EFNB2: variants seen among roughly 807,000 people sequenced by gnomAD.
EFNB2 encodes the protein ephrin-B2.
In EFNB2, 5 loss-of-function variants were observed where a neutral mutation model predicts 32.1. That is an observed-to-expected ratio of 0.16 (90% CI 0.08 to 0.33). EFNB2 has a LOEUF of 0.33. EFNB2 is among the 10% of genes least tolerant of loss of function. EFNB2 has a pLI of 1.00. For synonymous variants in EFNB2, 168 were observed against 166.5 expected, an observed-to-expected ratio of 1.01 and a Z score of -0.07; for missense variants, 263 against 422.6, an observed-to-expected ratio of 0.62 and a Z score of 3.31.
At chr13:106,496,080 A>C (rs1878579733) in intron 2 of EFNB2, among the ~76,000 whole-genome samples, 1 of 152,226 alleles carries the variant, frequency 6.6e-6, no homozygotes, top group Non-Finnish European at 1.5e-5. Flanking sequence ...AAATTTATTT[A>C]GGCACTTTCT....
At chr13:106,503,122 A>T (rs1340043004) in intron 2 of EFNB2, among the ~76,000 whole-genome samples, 1 of 152,178 alleles carries the variant, frequency 6.6e-6, no homozygotes, top group Non-Finnish European at 1.5e-5. Context: ...ATTGTTTGGA[A>T]CAGCTTGGTG....
At chr13:106,513,475 A>C (rs1879211780) in intron 1 of EFNB2, among the ~76,000 whole-genome samples, 1 of 152,210 alleles carries the variant, frequency 6.6e-6, no homozygotes. Context: ...TCTACTTGCA[A>C]GGACAACTAC....
intron 1 of EFNB2, chr13:106,517,728 G>A (rs1879359608): frequency 6.6e-6 from 1 of 152,184 alleles, no homozygotes; most frequent in Non-Finnish European, 1.5e-5. Flanking sequence ...CAAGACAATA[G>A]ATGCCCTGCC....
At chr13:106,522,951 T>C (rs1879574681) in intron 1 of EFNB2, among the ~76,000 whole-genome samples, 1 of 152,196 alleles carries the variant, frequency 6.6e-6, no homozygotes, top group Non-Finnish European at 1.5e-5. Flanking sequence ...GATAAAACTC[T>C]CCAAGTTCTC....
In EFNB2 at chr13:106,491,780, C is replaced by G. The variant is rs994786073; in HGVS notation, c.*1260G>C. 1 of 152,592 alleles carries G rather than the reference C, an allele frequency of 6.6e-6. No individual in the cohort carries two copies. Among genetic ancestry groups the G allele is most frequent in the African/African-American group, 2.4e-5 (1 of 41,414 alleles). 9.5% of individuals were successfully genotyped at this position (152,592 alleles called of 1,614,324 possible). On this transcript the variant is annotated 3_prime_UTR_variant, in exon 5 of 5. Transcript: ENST00000646441. ...GACCTACCTTTTATAGATAAGGATT[C>G]TTTAATAACAACGATGATGATGGAA... is the stretch of plus-strand genomic sequence containing the variant.
intron 1 of EFNB2, among the ~76,000 whole-genome samples, chr13:106,533,056 G>A (rs1021613871): frequency 1.3e-5 from 2 of 151,184 alleles, no homozygotes; most frequent in Admixed American, 6.6e-5. Flanking sequence ...GAGGCTAACG[G>A]AATTGCTTTC....
chr13:106,532,075 AAACC>A (rs1407649951), intron 1 of EFNB2, among the ~76,000 whole-genome samples: 1,501 of 40,158 alleles, frequency 0.037, 25 homozygotes, highest in African/African-American at 0.061. Flanking sequence ...AACAAAAAAA[AAACC>A]AAAACTTTAA....
chr13:106,492,926 C>G lies in EFNB2; in HGVS notation c.*114G>C. 7.2e-7 allele frequency: 1 copy of G among 1,382,508 alleles called. No homozygotes were observed. Among genetic ancestry groups the G allele is most frequent in the Non-Finnish European group, 9.8e-7 (1 of 1,023,968 alleles). 85.6% of individuals were successfully genotyped at this position (1,382,508 alleles called of 1,614,324 possible). On this transcript the variant is annotated 3_prime_UTR_variant, in exon 5 of 5. Transcript: ENST00000646441. The surrounding 1 kb of genome is among the most constrained non-coding windows in gnomAD (Gnocchi z 5.1). ...CTCTTCCGAGGAGGAGTGTCCCTCT[C>G]CCCCGGTGCTGTGCTTCAGTCAATT... is the stretch of plus-strand genomic sequence containing the variant.
rs1387180956 is a variant in EFNB2 at position 106,493,231 on chromosome 13, T to C, written c.811A>G (p.Thr271Ala). The C allele has an allele frequency of 6.2e-7, 1 of 1,614,208 alleles. No homozygotes were observed. Among genetic ancestry groups the C allele is most frequent in the Admixed American group, 1.7e-5 (1 of 60,022 alleles). ...CCGCTGCGCTTGGGTGTGGCCAGTG[T>C]GCTGAGCGACAGCGTGGTCGTGTGC... ...PQHTTTLSLS[T>A]LATPKRSGNN... The change falls in exon 5 of 5, where the codon ACA becomes GCA. Residue 271 changes from threonine (T) to alanine (A), a missense_variant. By Grantham distance (58) the Thr-to-Ala change is moderately conservative (BLOSUM62 0). Around this residue, in one of 3 missense-constraint regions of EFNB2, gnomAD observed 172 missense variants for 237.1 expected, o/e 0.73. Coordinates refer to ENST00000646441, the MANE Select transcript of EFNB2 (RefSeq NM_004093.4). This position sits in a 1 kb window ranked among gnomAD's most constrained non-coding sequence, Gnocchi z 6.1.
chr13:106,513,443 T>A (rs1268630125), intron 1 of EFNB2, among the ~76,000 whole-genome samples: 1 of 152,224 alleles, frequency 6.6e-6, no homozygotes, highest in East Asian at 1.9e-4. Context: ...TGGTATTGAT[T>A]CAGCTGCAAA....
At chr13:106,506,136 A>C (rs1282779841) in intron 2 of EFNB2, 1 of 152,216 alleles carries the variant, frequency 6.6e-6, no homozygotes, top group Non-Finnish European at 1.5e-5. Context: ...CACCCAGAAA[A>C]GGAGTTCACA....
intron 1 of EFNB2, among the ~76,000 whole-genome samples, chr13:106,523,800 C>T (rs1417263506): frequency 6.6e-6 from 1 of 152,182 alleles, no homozygotes; most frequent in Admixed American, 6.5e-5. Flanking sequence ...GTCTTCTCAG[C>T]TCTGACAAGC....
At chr13:106,532,070 A>C (rs554355464) in intron 1 of EFNB2, among the ~76,000 whole-genome samples, 3 of 131,524 alleles carry the variant, frequency 2.3e-5, no homozygotes, top group African/African-American at 8.4e-5. Context: ...AAAAAAACAA[A>C]AAAAAAACCA....
intron 1 of EFNB2, among the ~76,000 whole-genome samples, chr13:106,529,272 C>A (rs1287439936): frequency 6.6e-6 from 1 of 152,134 alleles, no homozygotes; most frequent in Admixed American, 6.6e-5. Context: ...CCAGCATGTC[C>A]CTGCCTGAAG....
Position 106,534,541 on chromosome 13 carries a change from G to A in EFNB2, c.122+302C>T, listed in dbSNP as rs978908039. On this transcript the variant is annotated intron_variant, in intron 1 of 4. Transcript: ENST00000646441. ...GTCCTTCGTCCTCGAAAACAGGAGA[G>A]GGTCAGGTATCGCCATCGGACACCT... Among the ~76,000 whole-genome samples the A allele has an allele frequency of 1.1e-4, 17 of 152,352 alleles. No homozygotes were observed. The South Asian group carries it at 3.3e-3, about 30-fold the overall frequency.
At position 106,493,032 on chromosome 13, in the gene EFNB2, G is replaced by C. The variant is rs778078295; in HGVS notation, c.*8C>G. 1.3e-6 allele frequency: 2 copies of C among 1,597,666 alleles called. No individual in the cohort carries two copies. The highest frequency in any genetic ancestry group is 1.7e-6 in the Non-Finnish European group (2 of 1,169,602). On this transcript the variant is annotated 3_prime_UTR_variant, in exon 5 of 5. Transcript: ENST00000646441. The surrounding 1 kb of genome is among the most constrained non-coding windows in gnomAD (Gnocchi z 6.1). ...TCTGGGAAAGCACAGGTACCACCAG[G>C]GTCCCTCTCAGACCTTGTAGTAAAT...
chr13:106,510,577 GT>G (rs113642450), intron 2 of EFNB2, among the ~76,000 whole-genome samples: 6,777 of 152,224 alleles, frequency 0.045, 510 homozygotes, highest in African/African-American at 0.15. Flanking sequence ...TCTCTAGTGT[GT>G]CCCCTCTTCC....
intron 1 of EFNB2, among the ~76,000 whole-genome samples, chr13:106,532,025 G>A (rs147508543): frequency 1.1e-3 from 157 of 146,832 alleles, no homozygotes; most frequent in Non-Finnish European, 2.0e-3. Flanking sequence ...AGTTAAAAAC[G>A]GAAGCTAGGC....
intron 3 of EFNB2, among the ~76,000 whole-genome samples, chr13:106,495,429 T>A (rs1441967032): frequency 6.6e-6 from 1 of 152,242 alleles, no homozygotes; most frequent in East Asian, 1.9e-4. Flanking sequence ...TCATTCTGGA[T>A]ATTTTGATTT....
Sources: gnomAD v4.1 joint callset for allele counts (sites outside exome capture counted in the v4.1 genomes callset) on GRCh38, gnomAD v4.1.1 for gene constraint, gnomAD v4.1.1 regional missense constraint, Gnocchi (gnomAD v3.1) non-coding constraint, MANE v1.5 for transcripts, NCBI Gene and HGNC (gene_info 2026-07-23, HGNC 2026-07-21) for gene names.